CLSPN: variants seen among roughly 807,000 people sequenced by gnomAD.
CLSPN encodes claspin.
Under a neutral mutation model 156.3 loss-of-function variants are expected in CLSPN, and 85 were observed. The ratio of observed to expected loss-of-function variants is 0.54; its 90% CI spans 0.46 to 0.65. The LOEUF (loss-of-function observed/expected upper bound fraction) is 0.65, where lower values mean the gene tolerates loss of function less well. Ranked by LOEUF, CLSPN falls within the 30% of genes least tolerant of loss-of-function variation. The pLI is 0.00. For missense variants in CLSPN, 1,407 were observed against 1,554.9 expected, an observed-to-expected ratio of 0.90 and a Z score of 1.60; for synonymous variants, 534 against 542.4, an observed-to-expected ratio of 0.98 and a Z score of 0.22.
At chr1:35,756,387 T>C (rs1468561429) in intron 8 of CLSPN, among the ~76,000 whole-genome samples, 1 of 152,188 alleles carries the variant, frequency 6.6e-6, no homozygotes, top group Non-Finnish European at 1.5e-5. Context: ...CATTCATAAC[T>C]GGAGAAAGCT....
At chr1:35,767,143 A>T (rs1003607000) in intron 1 of CLSPN, among the ~76,000 whole-genome samples, 2 of 152,242 alleles carry the variant, frequency 1.3e-5, no homozygotes, top group African/African-American at 2.4e-5. Flanking sequence ...TAATATAAAC[A>T]ATTACAAAAT....
chr1:35,760,879 T>C lies in CLSPN; in HGVS notation c.1042A>G (p.Ile348Val), dbSNP rs762932363. The change falls in exon 8 of 25, where the codon ATA becomes GTA. Residue 348 changes from isoleucine (I) to valine (V), a missense_variant. By Grantham distance (29) the Ile-to-Val change is conservative. Transcript: ENST00000318121. ...KYQSSHHKEI[I>V]DTANTTEMNS... ...ATTTCAGTAGTATTTGCAGTGTCTA[T>C]GATTTCTTTGTGATGGCTTGACTGA... The C allele has an allele frequency of 3.1e-6, 5 of 1,612,946 alleles. No individual in the cohort carries two copies. Among genetic ancestry groups the C allele is most frequent in the Non-Finnish European group, 3.4e-6 (4 of 1,179,188 alleles).
At chr1:35,756,908 G>A (rs1056234279) in intron 8 of CLSPN, among the ~76,000 whole-genome samples, 2 of 152,086 alleles carry the variant, frequency 1.3e-5, no homozygotes, top group Non-Finnish European at 2.9e-5. Flanking sequence ...AAACCTTTCA[G>A]TGGTCCTCTA....
chr1:35,768,901 A>G (rs1642767001), intron 1 of CLSPN, among the ~76,000 whole-genome samples: 1 of 152,212 alleles, frequency 6.6e-6, no homozygotes, highest in Non-Finnish European at 1.5e-5. Flanking sequence ...CAAAAAATTC[A>G]GTAATCAAAA....
intron 2 of CLSPN, 150 bp downstream of exon 2, chr1:35,765,068 A>T: frequency 1.7e-6 from 1 of 604,236 alleles, no homozygotes; most frequent in Non-Finnish European, 2.9e-6. Flanking sequence ...AAAAGGTACA[A>T]GCACTGTTAT....
chr1:35,740,298 C>T (rs56219447), intron 18 of CLSPN, among the ~76,000 whole-genome samples: 16,949 of 152,128 alleles, frequency 0.11, 1,661 homozygotes, highest in African/African-American at 0.27. Context: ...TCAGCTCCCC[C>T]GGAGAATAAA....
At chr1:35,765,129 T>A in intron 2 of CLSPN, 89 bp downstream of exon 2, 1 of 783,558 alleles carries the variant, frequency 1.3e-6, no homozygotes, top group East Asian at 2.5e-5. Context: ...AATAATGTAA[T>A]AAATCAAGAG....
At chr1:35,759,063 A>G (rs1642387745) in intron 8 of CLSPN, among the ~76,000 whole-genome samples, 1 of 152,174 alleles carries the variant, frequency 6.6e-6, no homozygotes, top group Non-Finnish European at 1.5e-5. Context: ...CCACCATTCC[A>G]TACTGCCTCA....
chr1:35,743,781 G>A (rs1480208829), intron 16 of CLSPN, among the ~76,000 whole-genome samples: 4 of 151,974 alleles, frequency 2.6e-5, no homozygotes, highest in Admixed American at 2.0e-4. Flanking sequence ...AAGCCACCAT[G>A]TTCAGCTAAT....
intron 20 of CLSPN, among the ~76,000 whole-genome samples, 193 bp from the exon 21 acceptor site, chr1:35,738,775 G>A (rs1641575366): frequency 1.3e-5 from 2 of 149,752 alleles, no homozygotes; most frequent in Admixed American, 1.3e-4. Context: ...TCTGAAACTC[G>A]ACAAATATGC....
intron 15 of CLSPN, among the ~76,000 whole-genome samples, chr1:35,745,769 C>T (rs1170832341): frequency 6.6e-6 from 1 of 152,190 alleles, no homozygotes; most frequent in Admixed American, 6.5e-5. Context: ...ATGAACAAAC[C>T]ACTATCCCAG....
rs1641889002 is a variant in CLSPN at position 35,746,593 on chromosome 1, T to C, written c.2854+173A>G. 6.6e-6 allele frequency among the ~76,000 whole-genome samples: 1 copy of C among 151,388 alleles called. No homozygotes were observed. Among genetic ancestry groups the C allele is most frequent in the Non-Finnish European group, 1.5e-5 (1 of 67,874 alleles). On this transcript the variant is annotated intron_variant, in intron 15 of 24. Transcript: ENST00000318121. The surrounding 1 kb of genome is among the most constrained non-coding windows in gnomAD (Gnocchi z 4.2). ...TTTTTTTTTTCGTAGAGATGGGGAT[T>C]TGCCATGTTGCCCAGGCTGGTCTCA...
Position 35,747,019 on chromosome 1 carries a change from G to C in CLSPN, c.2628-27C>G, listed in dbSNP as rs150179756. On this transcript the variant is annotated intron_variant, in intron 14 of 24. Transcript: ENST00000318121. The stretch of plus-strand genomic sequence containing the variant: ...TAAGAACCAATGAGCACAACGAATA[G>C]TGTAAAAAATTCCTCAGAGAGGGCC... 3 of 1,585,500 alleles carry C rather than the reference G, an allele frequency of 1.9e-6. No individual in the cohort carries two copies. The East Asian group carries it at 6.7e-5, about 35-fold the overall frequency.
chr1:35,738,510 G>T lies in CLSPN; in HGVS notation c.3503C>A (p.Ser1168Ter). 1 of 1,613,876 alleles carries T rather than the reference G, an allele frequency of 6.2e-7. No individual in the cohort carries two copies. Among genetic ancestry groups the T allele is most frequent in the South Asian group, 1.1e-5 (1 of 91,048 alleles). The change falls in exon 21 of 25, where the codon TCA becomes TAA. Residue 1168 changes from serine (S) to a stop codon, truncating the protein, a stop_gained. Coordinates refer to ENST00000318121, the MANE Select transcript of CLSPN (RefSeq NM_022111.4). LOFTEE classifies it high-confidence loss of function. ...DDQTEEQLDESEARWRKERIE... is the reference protein window; with the variant it reads ...DDQTEEQLDE ...TCGCTCCTTCCTCCACCTGGCTTCT[G>T]ACTCATCAAGCTGTTCTTCAGTCTG... is the stretch of plus-strand genomic sequence containing the variant.
Position 35,736,271 on chromosome 1 carries a change from G to T in CLSPN, c.*225C>A. On this transcript the variant is annotated 3_prime_UTR_variant, in exon 25 of 25. Transcript: ENST00000318121. ...CCCAAGTATTCCATGAGTTGTTGAT[G>T]TTGTAAATACTGCAGAATTGAAATC... 1 of 1,142,726 alleles carries T rather than the reference G, an allele frequency of 8.8e-7. No individual in the cohort carries two copies. The highest frequency in any genetic ancestry group is 4.8e-5 in the Admixed American group (1 of 21,016). 70.8% of individuals were successfully genotyped at this position (1,142,726 alleles called of 1,614,324 possible).
At position 35,733,798 on chromosome 1, in the gene CLSPN, C is replaced by A. The variant is rs57220608; in HGVS notation, c.*2698G>T. The stretch of plus-strand genomic sequence containing the variant: ...TTCAAGATCAGCTGGGGCAACACAG[C>A]AAGACCCTGTCTCTACTAAAATAAA... On this transcript the variant is annotated 3_prime_UTR_variant, in exon 25 of 25. Coordinates refer to ENST00000318121, the MANE Select transcript of CLSPN (RefSeq NM_022111.4). 61 of 624,282 alleles carry A rather than the reference C, an allele frequency of 9.8e-5. No homozygotes were observed. The East Asian group carries it at 7.5e-3, about 77-fold the overall frequency. The allele number at this position is 624,282 out of a possible 1,614,324, so 38.7% of individuals were successfully genotyped here.
rs755609534 is a variant in CLSPN, at chr1:35,760,527, T to C, written c.1394A>G (p.Glu465Gly). The part of the protein sequence containing the change: ...ALEGEGPQNP[E>G]ETDEKVEEPE... ...CTCTTCCACTTTCTCATCTGTTTCT[T>C]CTGGATTTTGGGGGCCTTCACCCTC... Residue 465 changes from glutamate to glycine, a missense_variant, in exon 8 of 25, where the codon GAA becomes GGA. By Grantham distance (98) the Glu-to-Gly change is moderately conservative. Coordinates refer to ENST00000318121, the MANE Select transcript of CLSPN (RefSeq NM_022111.4). The C allele has an allele frequency of 6.2e-7, 1 of 1,614,210 alleles. No homozygotes were observed. Among genetic ancestry groups the C allele is most frequent in the Non-Finnish European group, 8.5e-7 (1 of 1,180,042 alleles).
intron 24 of CLSPN, 30 bp from the exon 25 acceptor site, chr1:35,736,636 C>A: frequency 6.3e-7 from 1 of 1,587,632 alleles, no homozygotes; most frequent in Non-Finnish European, 8.5e-7. Context: ...TCAGGGCCAG[C>A]TAAAGACCTT....
chr1:35,751,842 C>T (rs1481083022), intron 9 of CLSPN, among the ~76,000 whole-genome samples: 1 of 151,988 alleles, frequency 6.6e-6, no homozygotes, highest in Non-Finnish European at 1.5e-5. Flanking sequence ...AGAAACGACT[C>T]GAGTAAAATG....
Sources: gnomAD v4.1 joint callset for allele counts (sites outside exome capture counted in the v4.1 genomes callset) on GRCh38, gnomAD v4.1.1 for gene constraint, Gnocchi (gnomAD v3.1) non-coding constraint, MANE v1.5 for transcripts, NCBI Gene and HGNC (gene_info 2026-07-23, HGNC 2026-07-21) for gene names.